Variants in WDR27 observed in about 807,000 individuals in gnomAD.
The protein encoded by WDR27 is WD repeat-containing protein 27.
In WDR27, 100 loss-of-function variants were observed where a neutral mutation model predicts 114.4. The ratio of observed to expected loss-of-function variants is 0.87; its 90% confidence interval spans 0.74 to 1.03. The LOEUF is 1.03. WDR27 is among the 50% of genes least tolerant of loss of function. WDR27 has a pLI of 0.00. For missense variants in WDR27, 1,129 were observed against 1,092.9 expected (o/e 1.03, Z -0.47); for synonymous variants, 449 against 423.1 (o/e 1.06, Z -0.75).
chr6:169,565,472 C>G (rs1468004244), intron 25 of WDR27, among the ~76,000 whole-genome samples: 1 of 152,130 alleles, frequency 6.6e-6, no homozygotes, highest in Non-Finnish European at 1.5e-5. Context: ...TAAAAACACC[C>G]CCACCAGGTA....
rs771139891 is a variant in WDR27 at position 169,670,700 on chromosome 6, T to C, written c.332-7A>G. On this transcript the variant is annotated splice_region_variant and splice_polypyrimidine_tract_variant and intron_variant, in intron 3 of 25. Transcript: ENST00000448612. ...GTCCCTCGAGGGACCAGCCCTAGAG[T>C]GAGTTTCACCATTAGTGCCAGTTTA... 35 of 1,611,148 alleles carry C rather than the reference T, an allele frequency of 2.2e-5. No individual in the cohort carries two copies. Among genetic ancestry groups the C allele is most frequent in the South Asian group, 3.3e-5 (3 of 90,592 alleles).
At chr6:169,562,555 G>T (rs73790012) in intron 25 of WDR27, among the ~76,000 whole-genome samples, 8 of 152,084 alleles carry the variant, frequency 5.3e-5, no homozygotes, top group African/African-American at 2.4e-5. Context: ...CAGAAGGGGG[G>T]CCCAAGGGAG....
chr6:169,632,383 T>G (rs1332713585), intron 21 of WDR27, among the ~76,000 whole-genome samples: 1 of 152,208 alleles, frequency 6.6e-6, no homozygotes, highest in African/African-American at 2.4e-5. Flanking sequence ...ATTGCAGTTT[T>G]AGTCCTAAGA....
At chr6:169,521,677 G>A (rs1255957188) in intron 25 of WDR27, among the ~76,000 whole-genome samples, 7 of 151,996 alleles carry the variant, frequency 4.6e-5, no homozygotes, top group Non-Finnish European at 8.8e-5. Flanking sequence ...TTAAAATGTA[G>A]AGTATTTTTT....
intron 10 of WDR27, 127 bp downstream of exon 10, chr6:169,660,536 G>A (rs1825781923): frequency 1.3e-6 from 1 of 780,262 alleles, no homozygotes; most frequent in Non-Finnish European, 2.2e-6. Context: ...TCAATGCTGA[G>A]TTGTGACTGA....
At chr6:169,497,900 GAT>G (rs146524721) in intron 25 of WDR27, among the ~76,000 whole-genome samples, 1 of 151,348 alleles carries the variant, frequency 6.6e-6, no homozygotes. Flanking sequence ...TCCACTTCTG[GAT>G]ATATATATAT....
chr6:169,444,290 A>G, the WDR27 span, among the ~76,000 whole-genome samples: 7 of 152,140 alleles, frequency 4.6e-5, no homozygotes, highest in Admixed American at 1.3e-4. Flanking sequence ...TGCCCTATAT[A>G]TGCATCATCA....
At chr6:169,579,773 G>A (rs1391734293) in intron 24 of WDR27, among the ~76,000 whole-genome samples, 1 of 152,146 alleles carries the variant, frequency 6.6e-6, no homozygotes, top group Non-Finnish European at 1.5e-5. Flanking sequence ...ACCAATGCGT[G>A]CTGTTCGGGG....
At chr6:169,430,602 A>G in the WDR27 span, among the ~76,000 whole-genome samples, 1 of 152,226 alleles carries the variant, frequency 6.6e-6, no homozygotes, top group Non-Finnish European at 1.5e-5. Flanking sequence ...AAGGATGAAG[A>G]AGGAAAACAG....
intron 21 of WDR27, among the ~76,000 whole-genome samples, chr6:169,614,945 TA>T (rs1416696745): frequency 6.6e-6 from 1 of 151,006 alleles, no homozygotes; most frequent in Admixed American, 6.6e-5. Context: ...GGCTAAAGAG[TA>T]AAAAACTGAA....
intron 2 of WDR27, among the ~76,000 whole-genome samples, chr6:169,687,107 A>G (rs1168911883): frequency 6.6e-6 from 1 of 152,180 alleles, no homozygotes; most frequent in Non-Finnish European, 1.5e-5. Context: ...ATAACTTATT[A>G]TATAATTCAA....
At chr6:169,552,926 A>G (rs1651243409) in intron 25 of WDR27, among the ~76,000 whole-genome samples, 1 of 149,696 alleles carries the variant, frequency 6.7e-6, no homozygotes, top group Non-Finnish European at 1.5e-5. Flanking sequence ...AAGGCAGCTA[A>G]GCGCGGCTCG....
intron 16 of WDR27, 178 bp downstream of exon 16, chr6:169,647,595 T>C (rs1821119913): frequency 2.9e-6 from 2 of 692,320 alleles, no homozygotes; most frequent in Non-Finnish European, 5.2e-6. Flanking sequence ...CTCACTACAG[T>C]CGAGTGAAAC....
rs138563275 is a variant in WDR27 at position 169,646,884 on chromosome 6, T to C, written c.1657+889A>G. 8.7e-4 allele frequency among the ~76,000 whole-genome samples: 133 copies of C among 152,328 alleles called. 2 individuals carry two copies. The East Asian group carries it at 0.023, about 26-fold the overall frequency. ...TTTACTGATAATACTACACATCTAATTTCCGAAAATGACTTTAAAACTTCT... is the reference window on the plus strand; with the variant it reads ...TTTACTGATAATACTACACATCTAACTTCCGAAAATGACTTTAAAACTTCT... On this transcript the variant is annotated intron_variant, in intron 16 of 25. Coordinates refer to ENST00000448612, the MANE Select transcript of WDR27 (RefSeq NM_182552.5).
chr6:169,632,254 A>G (rs2128216323), intron 21 of WDR27, among the ~76,000 whole-genome samples: 1 of 152,242 alleles, frequency 6.6e-6, no homozygotes, highest in East Asian at 1.9e-4. Context: ...AGTCTGTTTA[A>G]CCAACATTGC....
intron 13 of WDR27, 158 bp downstream of exon 13, chr6:169,658,117 GA>G: frequency 1.6e-6 from 1 of 617,720 alleles, no homozygotes; most frequent in Admixed American, 2.2e-5. Flanking sequence ...AGCGGACATG[GA>G]ACACGCACGA....
At chr6:169,446,172 G>A in the WDR27 span, among the ~76,000 whole-genome samples, 1 of 152,224 alleles carries the variant, frequency 6.6e-6, no homozygotes, top group Non-Finnish European at 1.5e-5. Context: ...CTGCTGCTGA[G>A]CTGCCGTGCA....
At chr6:169,680,660 G>T (rs1252953480) in intron 2 of WDR27, among the ~76,000 whole-genome samples, 1 of 152,166 alleles carries the variant, frequency 6.6e-6, no homozygotes, top group Admixed American at 6.5e-5. Flanking sequence ...AGTAATAATG[G>T]ATTGTCAGGT....
chr6:169,594,390 C>A (rs1378762912), intron 23 of WDR27, among the ~76,000 whole-genome samples: 1 of 152,150 alleles, frequency 6.6e-6, no homozygotes, highest in Non-Finnish European at 1.5e-5. Context: ...AAGACACTTT[C>A]CTTGCTGGCA....
Sources: gnomAD v4.1 joint callset for allele counts (sites outside exome capture counted in the v4.1 genomes callset) on GRCh38, gnomAD v4.1.1 for gene constraint, MANE v1.5 for transcripts, NCBI Gene and HGNC (gene_info 2026-07-23, HGNC 2026-07-21) for gene names.